Variants in PLSCR1 observed in about 807,000 individuals in gnomAD.
PLSCR1 encodes the protein phospholipid scramblase 1.
A neutral mutation model predicts 37.8 loss-of-function variants in PLSCR1; 17 were observed. That is an observed-to-expected ratio of 0.45 (90% CI 0.31 to 0.68). The LOEUF (loss-of-function observed/expected upper bound fraction) is 0.68, where lower values mean the gene tolerates loss of function less well. PLSCR1 is among the 30% of genes least tolerant of loss of function. The pLI is 0.06. For synonymous variants in PLSCR1, 116 were observed against 125.9 expected, an observed-to-expected ratio of 0.92 and a Z score of 0.53; for missense variants, 347 against 380.9, an observed-to-expected ratio of 0.91 and a Z score of 0.74.
At position 146,515,881 on chromosome 3, in the gene PLSCR1, A is replaced by T. The variant is rs2043939046; in HGVS notation, c.*164T>A. 1 of 455,332 alleles carries T rather than the reference A, an allele frequency of 2.2e-6. No individual in the cohort carries two copies. Among genetic ancestry groups the T allele is most frequent in the East Asian group, 3.6e-5 (1 of 28,078 alleles). The allele number at this position is 455,332 out of a possible 1,614,324, so 28.2% of individuals were successfully genotyped here. A position where few individuals can be genotyped will look rare whatever the true frequency, so the allele number is the denominator to read the frequency against. On this transcript the variant is annotated 3_prime_UTR_variant, in exon 9 of 9. Transcript: ENST00000342435. ...ACAATGAGTATTAAAAAATGTACAA[A>T]AACCTTTATAAATCAGTTATACAGA...
intron 1 of PLSCR1, among the ~76,000 whole-genome samples, chr3:146,537,839 C>A (rs1440581860): frequency 6.6e-6 from 1 of 152,170 alleles, no homozygotes; most frequent in Non-Finnish European, 1.5e-5. Flanking sequence ...CACTGCATTC[C>A]AGCCTGGGTG....
chr3:146,543,677 A>C (rs2044366698), intron 1 of PLSCR1, among the ~76,000 whole-genome samples: 1 of 152,248 alleles, frequency 6.6e-6, no homozygotes. Flanking sequence ...AACTTTGTCA[A>C]ATATTTAAAA....
chr3:146,526,010 T>C (rs2044103964), intron 4 of PLSCR1, among the ~76,000 whole-genome samples: 1 of 150,998 alleles, frequency 6.6e-6, no homozygotes, highest in Non-Finnish European at 1.5e-5. Flanking sequence ...GGTGAAACCC[T>C]GTCTCTACTA....
At chr3:146,516,885 G>C in intron 8 of PLSCR1, 121 bp downstream of exon 8, 1 of 697,104 alleles carries the variant, frequency 1.4e-6, no homozygotes, top group Non-Finnish European at 2.4e-6. Context: ...GATTAAATGG[G>C]AATCCTGATT....
chr3:146,533,391 ACTCT>A (rs1247691588), intron 3 of PLSCR1, 75 bp downstream of exon 3: 3 of 678,540 alleles, frequency 4.4e-6, no homozygotes, highest in South Asian at 2.4e-5. Context: ...TCTCTCTCTT[ACTCT>A]CTCTCTCCCA....
At chr3:146,535,073 T>C (rs1041779287) in intron 2 of PLSCR1, among the ~76,000 whole-genome samples, 2 of 152,118 alleles carry the variant, frequency 1.3e-5, no homozygotes, top group African/African-American at 2.4e-5. Flanking sequence ...GTTCTCTAGC[T>C]AATAAGGCCC....
intron 4 of PLSCR1, among the ~76,000 whole-genome samples, chr3:146,525,971 C>A (rs181956604): frequency 6.6e-6 from 1 of 151,444 alleles, no homozygotes; most frequent in South Asian, 2.1e-4. Flanking sequence ...ATCACGAGGT[C>A]AGGAGATCGA....
intron 8 of PLSCR1, chr3:146,516,367 CT>C (rs1576777205): frequency 3.3e-6 from 1 of 300,482 alleles, no homozygotes; most frequent in Non-Finnish European, 6.1e-6. Flanking sequence ...CTAAATGTTA[CT>C]TTTTCTCTAT....
At chr3:146,535,984 C>T (rs1249735777) in intron 2 of PLSCR1, among the ~76,000 whole-genome samples, 4 of 152,102 alleles carry the variant, frequency 2.6e-5, no homozygotes, top group Admixed American at 2.6e-4. Flanking sequence ...ACATAATTTT[C>T]CCTCTGTTCT....
At chr3:146,534,335 A>T (rs2044237606) in intron 2 of PLSCR1, among the ~76,000 whole-genome samples, 1 of 150,806 alleles carries the variant, frequency 6.6e-6, no homozygotes, top group Admixed American at 6.6e-5. Flanking sequence ...CTTAAGGTGC[A>T]GTAGACACTA....
At chr3:146,542,056 T>C (rs1167562281) in intron 1 of PLSCR1, among the ~76,000 whole-genome samples, 1 of 152,226 alleles carries the variant, frequency 6.6e-6, no homozygotes, top group Non-Finnish European at 1.5e-5. Flanking sequence ...ACCCTTTCTA[T>C]GTTTAGATAC....
Position 146,522,013 on chromosome 3 carries a change from C to G in PLSCR1, c.396G>C (p.Lys132Asn). Reference protein sequence around the residue: ...GFETNNKYEIKNSFGQRVYFA... With the variant: ...GFETNNKYEINNSFGQRVYFA... ...AGTAAACCCTCTGTCCAAAGCTGTT[C>G]TTAATTTCATATTTGTTATTAGTTT... Residue 132 changes from lysine to asparagine, a missense_variant, in exon 6 of 9, where the codon AAG becomes AAC. Physicochemically the swap from Lys to Asn is moderately conservative, Grantham distance 94 (BLOSUM62 0). Transcript: ENST00000342435. The G allele has an allele frequency of 6.2e-7, 1 of 1,611,892 alleles. No homozygotes were observed. Among genetic ancestry groups the G allele is most frequent in the Non-Finnish European group, 8.5e-7 (1 of 1,177,978 alleles).
chr3:146,516,151 A>T (rs1202793253), intron 8 of PLSCR1, 50 bp from the exon 9 acceptor site: 3 of 1,145,970 alleles, frequency 2.6e-6, no homozygotes, highest in South Asian at 2.7e-5. Context: ...CAAAACAGAG[A>T]TCAATTATCA....
chr3:146,538,155 G>C (rs1470273691), intron 1 of PLSCR1: 3 of 146,126 alleles, frequency 2.1e-5, no homozygotes, highest in Admixed American at 2.1e-4. Flanking sequence ...TAGACCTCAA[G>C]CCAGAAAGGT....
At chr3:146,525,468 A>G (rs2044094566) in intron 5 of PLSCR1, 137 bp downstream of exon 5, 8 of 592,788 alleles carry the variant, frequency 1.3e-5, no homozygotes, top group East Asian at 3.3e-5. Flanking sequence ...TGAATTGCTG[A>G]TAACATTTAT....
chr3:146,515,289 A>T lies in PLSCR1; in HGVS notation c.*756T>A, dbSNP rs914080959. ...ATTGTATTTAATTAATATCTGAGTA[A>T]TCTCAATTACCATTTTCTAGGAAGG... On this transcript the variant is annotated 3_prime_UTR_variant, in exon 9 of 9. Transcript: ENST00000342435. 6.6e-6 allele frequency: 1 copy of T among 152,222 alleles called. No homozygotes were observed. The highest frequency in any genetic ancestry group is 2.4e-5 in the African/African-American group (1 of 41,466). 9.4% of individuals were successfully genotyped at this position (152,222 alleles called of 1,614,324 possible).
At chr3:146,518,410 A>C (rs1479676067) in intron 7 of PLSCR1, among the ~76,000 whole-genome samples, 1 of 152,208 alleles carries the variant, frequency 6.6e-6, no homozygotes, top group Non-Finnish European at 1.5e-5. Flanking sequence ...CATAAGCATG[A>C]GTATAAACAC....
chr3:146,523,237 T>G (rs2044057319), intron 5 of PLSCR1, among the ~76,000 whole-genome samples: 2 of 152,344 alleles, frequency 1.3e-5, no homozygotes, highest in Admixed American at 1.3e-4. Context: ...CTTCATTATG[T>G]GAGACACTGG....
chr3:146,525,499 A>G (rs1576786242), intron 5 of PLSCR1, 106 bp downstream of exon 5: 1 of 655,680 alleles, frequency 1.5e-6, no homozygotes, highest in East Asian at 2.9e-5. Flanking sequence ...AACTGGTTTA[A>G]CTGTCCTATA....
Sources: allele counts gnomAD v4.1 joint callset (sites outside exome capture counted in the v4.1 genomes callset), GRCh38; gene constraint gnomAD v4.1.1; transcripts MANE v1.5; gene names NCBI Gene and HGNC (gene_info 2026-07-23, HGNC 2026-07-21).